ATP8B4: variants seen among roughly 807,000 people sequenced by gnomAD.
The protein encoded by ATP8B4 is probable phospholipid-transporting ATPase IM.
A neutral mutation model predicts 145.6 loss-of-function variants in ATP8B4; 133 were observed. The observed-to-expected ratio is 0.91, with a 90% confidence interval of 0.79 to 1.05. ATP8B4 has a LOEUF of 1.05. ATP8B4 is among the 50% of genes least tolerant of loss of function. The pLI, the probability that ATP8B4 is intolerant of heterozygous loss-of-function variation, is 0.00. For synonymous variants in ATP8B4, 507 were observed against 492.9 expected (o/e 1.03, Z -0.38); for missense variants, 1,458 against 1,425.2 (o/e 1.02, Z -0.37).
chr15:50,133,452 G>C (rs938028294), intron 1 of ATP8B4, among the ~76,000 whole-genome samples: 27 of 151,912 alleles, frequency 1.8e-4, no homozygotes, highest in African/African-American at 6.0e-4. Context: ...AGGCGTGGTG[G>C]CATGTGCCTG....
chr15:49,868,827 A>AAT (rs2033225534), intron 25 of ATP8B4, among the ~76,000 whole-genome samples: 1 of 152,194 alleles, frequency 6.6e-6, no homozygotes, highest in Non-Finnish European at 1.5e-5. Flanking sequence ...CCAATATGGA[A>AAT]ATATATATAT....
chr15:49,888,560 A>G (rs560832433), intron 23 of ATP8B4, among the ~76,000 whole-genome samples: 3 of 152,288 alleles, frequency 2.0e-5, no homozygotes, highest in Admixed American at 6.5e-5. Flanking sequence ...GACTTCAACC[A>G]ATTTTTTTTA....
chr15:50,129,779 C>T (rs1401800269), intron 1 of ATP8B4, among the ~76,000 whole-genome samples: 5 of 151,876 alleles, frequency 3.3e-5, no homozygotes, highest in African/African-American at 4.8e-5. Flanking sequence ...GAAACCCCGT[C>T]GCTACTAAAA....
intron 23 of ATP8B4, among the ~76,000 whole-genome samples, chr15:49,893,907 G>C (rs184213883): frequency 6.6e-6 from 1 of 152,152 alleles, no homozygotes; most frequent in Non-Finnish European, 1.5e-5. Flanking sequence ...CTGAAACATA[G>C]TAAGTACTAT....
At chr15:49,867,705 A>C (rs1413247678) in intron 25 of ATP8B4, among the ~76,000 whole-genome samples, 1 of 152,250 alleles carries the variant, frequency 6.6e-6, no homozygotes, top group Non-Finnish European at 1.5e-5. Flanking sequence ...GGTGGCTCCT[A>C]TTGAAGCAGA....
At chr15:50,001,157 T>C (rs1024773648) in intron 8 of ATP8B4, among the ~76,000 whole-genome samples, 1 of 152,116 alleles carries the variant, frequency 6.6e-6, no homozygotes, top group African/African-American at 2.4e-5. Context: ...TTTTTTTGTT[T>C]TCAAGTCTAT....
At chr15:49,987,802 G>T (rs2046744467) in intron 9 of ATP8B4, among the ~76,000 whole-genome samples, 1 of 143,360 alleles carries the variant, frequency 7.0e-6, no homozygotes, top group African/African-American at 2.9e-5. Context: ...TAACAGCCAT[G>T]GGATATTTTT....
intron 1 of ATP8B4, among the ~76,000 whole-genome samples, chr15:50,126,298 CA>C (rs1464753761): frequency 3.3e-5 from 5 of 150,660 alleles, no homozygotes; most frequent in Admixed American, 1.3e-4. Context: ...GCCTTTGAAC[CA>C]GAGCAACTCC....
intron 6 of ATP8B4, among the ~76,000 whole-genome samples, chr15:50,020,622 G>C (rs1218810585): frequency 6.6e-6 from 1 of 152,078 alleles, no homozygotes; most frequent in East Asian, 1.9e-4. Flanking sequence ...CTAATATCTT[G>C]ATAGAATTCT....
chr15:49,891,971 T>C (rs1385668872), intron 23 of ATP8B4, among the ~76,000 whole-genome samples: 2 of 151,684 alleles, frequency 1.3e-5, no homozygotes, highest in Non-Finnish European at 2.9e-5. Flanking sequence ...CAAAAATTAG[T>C]TGGGCATGAT....
intron 20 of ATP8B4, among the ~76,000 whole-genome samples, chr15:49,902,916 C>T (rs1012243460): frequency 6.6e-6 from 1 of 152,208 alleles, no homozygotes; most frequent in African/African-American, 2.4e-5. Context: ...GTATAAATGA[C>T]TCAATCTGTT....
At chr15:50,008,781 CA>C (rs2048502765) in intron 7 of ATP8B4, among the ~76,000 whole-genome samples, 1 of 152,142 alleles carries the variant, frequency 6.6e-6, no homozygotes, top group Non-Finnish European at 1.5e-5. Context: ...TGTGATAAAT[CA>C]GCACACTATG....
At chr15:50,092,568 T>C (rs530017274) in intron 2 of ATP8B4, among the ~76,000 whole-genome samples, 20 of 151,934 alleles carry the variant, frequency 1.3e-4, no homozygotes, top group African/African-American at 4.8e-4. Flanking sequence ...AATTTGAAAA[T>C]ATAATAAATT....
intron 25 of ATP8B4, among the ~76,000 whole-genome samples, chr15:49,870,588 T>G (rs1310124260): frequency 1.3e-5 from 2 of 152,222 alleles, no homozygotes; most frequent in African/African-American, 4.8e-5. Flanking sequence ...AAAGTCAAGC[T>G]TAAACAGTGA....
At chr15:50,129,557 G>A (rs2057330804) in intron 1 of ATP8B4, among the ~76,000 whole-genome samples, 1 of 151,974 alleles carries the variant, frequency 6.6e-6, no homozygotes, top group South Asian at 2.1e-4. Flanking sequence ...TTAGATTTGG[G>A]CTCCATTCTA....
chr15:49,963,215 A>G (rs967625705), intron 13 of ATP8B4, among the ~76,000 whole-genome samples: 7 of 152,350 alleles, frequency 4.6e-5, no homozygotes, highest in African/African-American at 9.6e-5. Context: ...CAAAACCACA[A>G]TGAGAAACCA....
chr15:50,008,707 C>T (rs1416981469), intron 7 of ATP8B4, among the ~76,000 whole-genome samples: 1 of 152,146 alleles, frequency 6.6e-6, no homozygotes, highest in East Asian at 1.9e-4. Flanking sequence ...CCATGAGGCA[C>T]CATAGAGTTA....
chr15:49,924,210 A>G (rs1162471862), intron 16 of ATP8B4, among the ~76,000 whole-genome samples: 1 of 152,062 alleles, frequency 6.6e-6, no homozygotes, highest in Non-Finnish European at 1.5e-5. Context: ...GACAACCCCC[A>G]GCATATTGCT....
At position 49,860,126 on chromosome 15, in the gene ATP8B4, T is replaced by C; in HGVS notation, c.*68A>G. The C allele has an allele frequency of 1.3e-6, 2 of 1,523,938 alleles. No homozygotes were observed. The highest frequency in any genetic ancestry group is 1.8e-6 in the Non-Finnish European group (2 of 1,133,246). The allele number at this position is 1,523,938 out of a possible 1,614,324, so 94.4% of individuals were successfully genotyped here. A position where few individuals can be genotyped will look rare whatever the true frequency, so the allele number is the denominator to read the frequency against. ...ACCTCTTGCCTCAAATCTCAAACTC[T>C]GGAGCCAGCAGAATTTCAGCTCCAC... is the stretch of plus-strand genomic sequence containing the variant. On this transcript the variant is annotated 3_prime_UTR_variant, in exon 28 of 28. Transcript: ENST00000284509.
Sources: allele counts gnomAD v4.1 joint callset (sites outside exome capture counted in the v4.1 genomes callset), GRCh38; gene constraint gnomAD v4.1.1; transcripts MANE v1.5; gene names NCBI Gene and HGNC (gene_info 2026-07-23, HGNC 2026-07-21).